Variants in FKBP1A observed in about 807,000 individuals in gnomAD.
FKBP1A encodes FKBP prolyl isomerase 1A, also known as peptidyl-prolyl cis-trans isomerase FKBP1A.
In FKBP1A, 5 loss-of-function variants were observed where a neutral mutation model predicts 14.2. The observed-to-expected ratio is 0.35, with a 90% CI of 0.18 to 0.74. The LOEUF (loss-of-function observed/expected upper bound fraction) is 0.74, where lower values mean the gene tolerates loss of function less well. Among genes scored for constraint, FKBP1A ranks in the 30% least tolerant of loss-of-function variants. FKBP1A has a pLI of 0.56. For synonymous variants in FKBP1A, 42 were observed against 49.1 expected, an observed-to-expected ratio of 0.86 and a Z score of 0.60; for missense variants, 53 against 138.8, an observed-to-expected ratio of 0.38 and a Z score of 3.10.
At chr20:1,375,669 G>A in intron 2 of FKBP1A, 66 bp from the exon 3 acceptor site, 1 of 1,141,580 alleles carries the variant, frequency 8.8e-7, no homozygotes, top group South Asian at 1.2e-5. Flanking sequence ...GAAACCAGCA[G>A]CAGAGCACTC....
chr20:1,371,634 G>C, intron 4 of FKBP1A: 1 of 825,060 alleles, frequency 1.2e-6, no homozygotes, highest in Non-Finnish European at 1.5e-6. Context: ...AGAGAGAGCC[G>C]CAGAAGCTAG....
rs2089433368 is a variant in FKBP1A at position 1,369,540 on chromosome 20, T to A, written c.*569A>T. 1 of 167,522 alleles carries A rather than the reference T, an allele frequency of 6.0e-6. No homozygotes were observed. Among genetic ancestry groups the A allele is most frequent in the African/African-American group, 2.4e-5 (1 of 41,404 alleles). 10.4% of individuals were successfully genotyped at this position (167,522 alleles called of 1,614,324 possible). A position where few individuals can be genotyped will look rare whatever the true frequency, so the allele number is the denominator to read the frequency against. ...ATGGTGGAGGCAAAGGCTCTCCCCA[T>A]CCCCACCTCAGTTTTAGGTAGGGCT... On this transcript the variant is annotated 3_prime_UTR_variant, in exon 5 of 5. Coordinates refer to ENST00000400137, the MANE Select transcript of FKBP1A (RefSeq NM_000801.5).
chr20:1,372,147 G>T lies in FKBP1A; in HGVS notation c.292C>A (p.Leu98Ile). The change falls in exon 4 of 5, where the codon CTC becomes ATC. Residue 98 changes from leucine (L) to isoleucine (I), a missense_variant. By Grantham distance (5) the Leu-to-Ile change is conservative. This residue lies in a region of FKBP1A where 35 missense variants were observed against 118.1 expected (regional missense o/e 0.30). Transcript: ENST00000400137. The stretch of plus-strand genomic sequence containing the variant: ...TTTAGAAGCTCCACATCGAAGACGA[G>T]AGTGGCATGTGGTGGGATGATGCCT... ...HPGIIPPHAT[L>I]VFDVELLKLE The T allele has an allele frequency of 6.2e-7, 1 of 1,613,844 alleles. No homozygotes were observed. The highest frequency in any genetic ancestry group is 8.5e-7 in the Non-Finnish European group (1 of 1,179,776).
chr20:1,371,464 C>T (rs1460616372), intron 4 of FKBP1A, among the ~76,000 whole-genome samples: 1 of 152,190 alleles, frequency 6.6e-6, no homozygotes, highest in Non-Finnish European at 1.5e-5. Flanking sequence ...AGCATCCTTT[C>T]AACTTCACAA....
chr20:1,388,527 G>A (rs773471729), intron 2 of FKBP1A, among the ~76,000 whole-genome samples: 16 of 152,170 alleles, frequency 1.1e-4, no homozygotes, highest in Non-Finnish European at 1.9e-4. Flanking sequence ...GGGAACTGTG[G>A]GACAATTTGT....
rs1432340544 is a variant in FKBP1A, at chr20:1,386,309, G to A, written c.85+6525C>T. Among the ~76,000 whole-genome samples, 1 of 152,214 alleles carries A rather than the reference G, an allele frequency of 6.6e-6. No homozygotes were observed. Among genetic ancestry groups the A allele is most frequent in the African/African-American group, 2.4e-5 (1 of 41,446 alleles). On this transcript the variant is annotated intron_variant, in intron 2 of 4. Coordinates refer to ENST00000400137, the MANE Select transcript of FKBP1A (RefSeq NM_000801.5). The surrounding 1 kb of genome is among the most constrained non-coding windows in gnomAD (Gnocchi z 4.7). ...ACTCCCTACAGGGTAAGCTTCTTGAGGGCAACATTGAGGCTTTGCCCAGCT... is the reference window on the plus strand; with the variant it reads ...ACTCCCTACAGGGTAAGCTTCTTGAAGGCAACATTGAGGCTTTGCCCAGCT...
intron 3 of FKBP1A, among the ~76,000 whole-genome samples, chr20:1,374,247 G>A (rs1292614885): frequency 1.3e-5 from 2 of 152,176 alleles, no homozygotes; most frequent in Non-Finnish European, 2.9e-5. Flanking sequence ...TGGAAAGACA[G>A]AATCCAACTA....
intron 2 of FKBP1A, among the ~76,000 whole-genome samples, chr20:1,392,576 G>A (rs550545324): frequency 1.3e-5 from 2 of 152,310 alleles, no homozygotes; most frequent in South Asian, 2.1e-4. Flanking sequence ...CAGCATCTAA[G>A]GTGCAGAAAT....
At chr20:1,374,972 G>C (rs768425125) in intron 3 of FKBP1A, among the ~76,000 whole-genome samples, 2 of 152,214 alleles carry the variant, frequency 1.3e-5, no homozygotes, top group Non-Finnish European at 2.9e-5. Context: ...AAGTAGCTGG[G>C]ATTACAGGCA....
In FKBP1A at chr20:1,369,413, GAGGT is replaced by G. The variant is rs1057017409; in HGVS notation, c.*692_*695del. 3 of 164,742 alleles carry G rather than the reference GAGGT, an allele frequency of 1.8e-5. No homozygotes were observed. Among genetic ancestry groups the G allele is most frequent in the Admixed American group, 1.3e-4 (2 of 15,102 alleles). The allele number at this position is 164,742 out of a possible 1,614,324, so 10.2% of individuals were successfully genotyped here. ...AAAAAAGGCCACAAAGAAGGCTTCA[GAGGT>G]CCCTGCTGGCCCAGGGACAGATACC... On this transcript the variant is annotated 3_prime_UTR_variant, in exon 5 of 5. Transcript: ENST00000400137.
chr20:1,388,907 C>T (rs549335670), intron 2 of FKBP1A, among the ~76,000 whole-genome samples: 15 of 152,154 alleles, frequency 9.9e-5, no homozygotes, highest in African/African-American at 1.7e-4. Flanking sequence ...TCTAACGCAC[C>T]GGTCTTCTTA....
At chr20:1,376,701 TTAC>T (rs1173495656) in intron 2 of FKBP1A, 1 of 152,078 alleles carries the variant, frequency 6.6e-6, no homozygotes, top group Non-Finnish European at 1.5e-5. Context: ...ATAGTAAAAT[TTAC>T]TATTATAAAA....
intron 4 of FKBP1A, 115 bp downstream of exon 4, chr20:1,371,961 A>C: frequency 6.8e-7 from 1 of 1,468,102 alleles, no homozygotes; most frequent in Middle Eastern, 2.5e-4. Flanking sequence ...GAAAGAATGC[A>C]GGGGGAAAAA....
chr20:1,391,554 G>A (rs1383703168), intron 2 of FKBP1A: 4 of 397,406 alleles, frequency 1.0e-5, no homozygotes, highest in Non-Finnish European at 1.8e-5. Context: ...TCTACCCACG[G>A]GGAAGGGCCA....
chr20:1,379,108 T>C lies in FKBP1A; in HGVS notation c.86-3505A>G, dbSNP rs1568588641. On this transcript the variant is annotated intron_variant, in intron 2 of 4. Transcript: ENST00000400137. This position sits in a 1 kb window ranked among gnomAD's most constrained non-coding sequence, Gnocchi z 4.3. ...TATACCTATAAAAAATTAGCCTTAT[T>C]TCTTGCCAAACTTGAACACGGCTCT... Among the ~76,000 whole-genome samples, 1 of 152,184 alleles carries C rather than the reference T, an allele frequency of 6.6e-6. No homozygotes were observed.
At chr20:1,370,367 A>G (rs1441630086) in intron 4 of FKBP1A, 1 of 985,268 alleles carries the variant, frequency 1.0e-6, no homozygotes, top group Non-Finnish European at 1.2e-6. Context: ...ACAGTTCCCC[A>G]CTATCATTGG....
chr20:1,380,224 G>T (rs968101218), intron 2 of FKBP1A, among the ~76,000 whole-genome samples: 1 of 152,010 alleles, frequency 6.6e-6, no homozygotes, highest in Non-Finnish European at 1.5e-5. Flanking sequence ...TATATCCTTG[G>T]GAGTTTCCAG....
intron 4 of FKBP1A, chr20:1,371,261 T>C (rs924038821): frequency 2.1e-6 from 2 of 939,316 alleles, no homozygotes; most frequent in Admixed American, 6.2e-5. Flanking sequence ...GCTACTAGGA[T>C]ACTGAGTTTA....
intron 2 of FKBP1A, among the ~76,000 whole-genome samples, chr20:1,382,087 C>T (rs1295306916): frequency 6.6e-6 from 1 of 152,158 alleles, no homozygotes; most frequent in Non-Finnish European, 1.5e-5. Flanking sequence ...ATGTTTAGCT[C>T]CCACATACAC....
Sources: gnomAD v4.1 joint callset for allele counts (sites outside exome capture counted in the v4.1 genomes callset) on GRCh38, gnomAD v4.1.1 for gene constraint, gnomAD v4.1.1 regional missense constraint, Gnocchi (gnomAD v3.1) non-coding constraint, MANE v1.5 for transcripts, NCBI Gene and HGNC (gene_info 2026-07-23, HGNC 2026-07-21) for gene names.